Variants in EPB41L2 observed in about 807,000 individuals in gnomAD.
The protein encoded by EPB41L2 is band 4.1-like protein 2.
In EPB41L2, 43 loss-of-function variants were observed where a neutral mutation model predicts 113.0. The observed-to-expected ratio is 0.38, with a 90% confidence interval of 0.30 to 0.49. EPB41L2 has a LOEUF of 0.49. Ranked by LOEUF, EPB41L2 falls within the 20% of genes least tolerant of loss-of-function variation. The probability of loss-of-function intolerance (pLI) is 0.95; values close to 1 mark genes in which losing one functional copy is unlikely to be tolerated. For missense variants in EPB41L2, 1,147 were observed against 1,223.4 expected (o/e 0.94, Z 0.93); for synonymous variants, 442 against 436.7 (o/e 1.01, Z -0.15).
At chr6:131,021,626 A>G (rs1584574675) in intron 1 of EPB41L2, among the ~76,000 whole-genome samples, 1 of 151,906 alleles carries the variant, frequency 6.6e-6, no homozygotes, top group Non-Finnish European at 1.5e-5. Flanking sequence ...GCACCATTGC[A>G]CTCCTGCCTG....
intron 3 of EPB41L2, among the ~76,000 whole-genome samples, chr6:130,946,160 G>A (rs1418738908): frequency 6.6e-6 from 1 of 152,118 alleles, no homozygotes; most frequent in Non-Finnish European, 1.5e-5. Flanking sequence ...GTAATTATCA[G>A]TGACAACAAT....
At chr6:130,848,315 T>C (rs987360368) in intron 19 of EPB41L2, among the ~76,000 whole-genome samples, 1 of 151,304 alleles carries the variant, frequency 6.6e-6, no homozygotes, top group Non-Finnish European at 1.5e-5. Flanking sequence ...CCTCCACAGA[T>C]CAACACTGTC....
At chr6:130,959,543 A>G (rs1818644012) in intron 1 of EPB41L2, among the ~76,000 whole-genome samples, 1 of 152,188 alleles carries the variant, frequency 6.6e-6, no homozygotes, top group South Asian at 2.1e-4. Context: ...CGTAAGAGGG[A>G]ATAGTTAACT....
At position 130,894,112 on chromosome 6, in the gene EPB41L2, T is replaced by A. The variant is rs567648523; in HGVS notation, c.1487+232A>T. Among the ~76,000 whole-genome samples, 4 of 152,208 alleles carry A rather than the reference T, an allele frequency of 2.6e-5. No homozygotes were observed. The East Asian group carries it at 5.8e-4, about 22-fold the overall frequency. ...AGTTCAAAGACAGTGGGTTAATGCA[T>A]CTGCCACATTCCCCACCACTACCAC... On this transcript the variant is annotated intron_variant, in intron 10 of 19. Coordinates refer to ENST00000337057, the MANE Select transcript of EPB41L2 (RefSeq NM_001431.4).
intron 1 of EPB41L2, among the ~76,000 whole-genome samples, chr6:131,047,636 C>T (rs1795712545): frequency 6.6e-6 from 1 of 152,170 alleles, no homozygotes; most frequent in African/African-American, 2.4e-5. Flanking sequence ...ATTAGTGTAT[C>T]ATCAATGTTT....
At chr6:131,040,597 G>A (rs1562784470) in intron 1 of EPB41L2, among the ~76,000 whole-genome samples, 1 of 152,070 alleles carries the variant, frequency 6.6e-6, no homozygotes. Flanking sequence ...AGACGTCAAG[G>A]AACTAACTAT....
chr6:130,926,059 C>T (rs1281993083), intron 4 of EPB41L2, among the ~76,000 whole-genome samples: 1 of 152,170 alleles, frequency 6.6e-6, no homozygotes, highest in Non-Finnish European at 1.5e-5. Context: ...CTCTGTTCTG[C>T]TGACTGTGAT....
At chr6:130,929,501 A>T (rs1164250595) in intron 3 of EPB41L2, among the ~76,000 whole-genome samples, 2 of 152,178 alleles carry the variant, frequency 1.3e-5, no homozygotes, top group Admixed American at 1.3e-4. Flanking sequence ...TCCGACTCTC[A>T]GATGACTGTG....
chr6:130,919,255 T>C (rs1802099868), intron 4 of EPB41L2, among the ~76,000 whole-genome samples: 1 of 152,144 alleles, frequency 6.6e-6, no homozygotes, highest in African/African-American at 2.4e-5. Flanking sequence ...TAATAAGGAA[T>C]TATGAATTCC....
rs35374139 is a variant in EPB41L2 at position 130,890,474 on chromosome 6, A to AG, written c.1488-9dup. 5.4e-6 allele frequency: 8 copies of AG among 1,484,068 alleles called. No individual in the cohort carries two copies. Among genetic ancestry groups the AG allele is most frequent in the Non-Finnish European group, 7.2e-6 (8 of 1,117,640 alleles). 91.9% of individuals were successfully genotyped at this position (1,484,068 alleles called of 1,614,324 possible). A position where few individuals can be genotyped will look rare whatever the true frequency, so the allele number is the denominator to read the frequency against. ...TGCTCTGGAGAAACAAGCCTATGGG[A>AG]GGAAAAAAAAAAAAAAAGAGAGAGA... On this transcript the variant is annotated splice_polypyrimidine_tract_variant and intron_variant, in intron 10 of 19. Coordinates refer to ENST00000337057, the MANE Select transcript of EPB41L2 (RefSeq NM_001431.4).
chr6:130,909,661 T>C (rs1043721390), intron 4 of EPB41L2, among the ~76,000 whole-genome samples: 3 of 152,234 alleles, frequency 2.0e-5, no homozygotes, highest in African/African-American at 7.2e-5. Flanking sequence ...CAAAATCTAC[T>C]TAAGCTGATA....
intron 4 of EPB41L2, among the ~76,000 whole-genome samples, chr6:130,925,436 G>A (rs768081899): frequency 5.9e-5 from 9 of 151,956 alleles, no homozygotes; most frequent in South Asian, 2.1e-4. Flanking sequence ...TGATCCGCCC[G>A]CCTCGGCCTC....
At chr6:130,946,204 T>C (rs896622875) in intron 3 of EPB41L2, among the ~76,000 whole-genome samples, 8 of 152,172 alleles carry the variant, frequency 5.3e-5, no homozygotes, top group Admixed American at 2.6e-4. Flanking sequence ...TTGGAACAAA[T>C]GCACAAAGAG....
intron 1 of EPB41L2, among the ~76,000 whole-genome samples, chr6:131,034,217 T>C (rs147951249): frequency 6.6e-6 from 1 of 152,304 alleles, no homozygotes; most frequent in African/African-American, 2.4e-5. Flanking sequence ...GTTTCCTATC[T>C]ACGAGAAACA....
chr6:130,956,089 C>G lies in EPB41L2; in HGVS notation c.397G>C (p.Ala133Pro). The G allele has an allele frequency of 3.7e-6, 6 of 1,614,070 alleles. No homozygotes were observed. Among genetic ancestry groups the G allele is most frequent in the Non-Finnish European group, 5.1e-6 (6 of 1,180,028 alleles). Residue 133 changes from alanine (A) to proline (P), a missense_variant, in exon 2 of 20, where the codon GCT becomes CCT. Transcript: ENST00000337057. The part of the protein sequence containing the change: ...RQAKGDAEEM[A>P]QKKQEIKVEV... Reference sequence around the variant, plus strand: ...ACTTTAATCTCTTGTTTCTTCTGAGCCATTTCTTCAGCATCACCCTTAGCC... The same window carrying G: ...ACTTTAATCTCTTGTTTCTTCTGAGGCATTTCTTCAGCATCACCCTTAGCC...
intron 14 of EPB41L2, chr6:130,872,376 G>C (rs1480211119): frequency 7.8e-7 from 1 of 1,287,310 alleles, no homozygotes; most frequent in South Asian, 1.2e-5. Flanking sequence ...TGCACCTCAA[G>C]CAAGTGTGAG....
chr6:130,870,083 G>T lies in EPB41L2; in HGVS notation c.2087C>A (p.Ala696Glu), dbSNP rs1186503373. Residue 696 changes from alanine to glutamate, a missense_variant, in exon 15 of 20, where the codon GCA becomes GAA. Ala to Glu is a moderately radical substitution (Grantham distance 107, BLOSUM62 -1). Coordinates refer to ENST00000337057, the MANE Select transcript of EPB41L2 (RefSeq NM_001431.4). Reference protein sequence around the residue: ...TLNIVEEKKRAEVGKDERVIT... With the variant: ...TLNIVEEKKREEVGKDERVIT... ...TACTCTTTCGTCTTTCCCAACCTCTGCCCGCTTCTTCTCCTCCACTATATT... is the reference window on the plus strand; with the variant it reads ...TACTCTTTCGTCTTTCCCAACCTCTTCCCGCTTCTTCTCCTCCACTATATT... The T allele has an allele frequency of 6.2e-7, 1 of 1,613,468 alleles. No homozygotes were observed. The highest frequency in any genetic ancestry group is 1.7e-5 in the Admixed American group (1 of 59,950).
intron 18 of EPB41L2, among the ~76,000 whole-genome samples, chr6:130,861,644 T>A (rs9388861): frequency 1.3e-5 from 2 of 151,248 alleles, no homozygotes; most frequent in South Asian, 4.2e-4. Flanking sequence ...TGCCGAGGAG[T>A]GTGGATAACC....
intron 19 of EPB41L2, among the ~76,000 whole-genome samples, chr6:130,848,110 C>T (rs909066617): frequency 2.6e-5 from 4 of 151,978 alleles, no homozygotes; most frequent in African/African-American, 7.3e-5. Flanking sequence ...AAAAAAATCA[C>T]TTTTCCTCAA....
Sources: gnomAD v4.1 joint callset for allele counts (sites outside exome capture counted in the v4.1 genomes callset) on GRCh38, gnomAD v4.1.1 for gene constraint, MANE v1.5 for transcripts, NCBI Gene and HGNC (gene_info 2026-07-23, HGNC 2026-07-21) for gene names.